The following CCDC14 variants were observed in gnomAD, a reference collection of about 807,000 sequenced individuals.
CCDC14 encodes coiled-coil domain containing 14.
CCDC14 carries 71 observed loss-of-function variants against 81.4 expected under a neutral mutation model. The ratio of observed to expected loss-of-function variants is 0.87; its 90% CI spans 0.72 to 1.06. The LOEUF (loss-of-function observed/expected upper bound fraction) is 1.06. Among genes scored for constraint, CCDC14 ranks in the 50% least tolerant of loss-of-function variants. The pLI, the probability that CCDC14 is intolerant of heterozygous loss-of-function variation, is 0.00. For synonymous variants in CCDC14, 332 were observed against 364.8 expected (o/e 0.91, Z 1.03); for missense variants, 1,046 against 1,047.3 (o/e 1.00, Z 0.02).
Position 123,913,996 on chromosome 3 carries a change from A to G in CCDC14, c.*783T>C. 1.0e-6 allele frequency: 1 copy of G among 985,618 alleles called. No individual in the cohort carries two copies. The highest frequency in any genetic ancestry group is 1.2e-6 in the Non-Finnish European group (1 of 829,728). The allele number at this position is 985,618 out of a possible 1,614,324, so 61.1% of individuals were successfully genotyped here. ...ATTCTTCCAAAAAGGCAGAATTACA[A>G]TCAATGCCAAGATTTACAAATTCCA... On this transcript the variant is annotated 3_prime_UTR_variant, in exon 13 of 13. Transcript: ENST00000409697.
chr3:123,946,851 T>A lies in CCDC14; in HGVS notation c.1153A>T (p.Ile385Phe). Reference sequence around the variant, plus strand: ...AGCTCTCCCAACAAATATTTTATAATTCTAACTTTTTCAGCTGTCTTGTTC... The same window carrying A: ...AGCTCTCCCAACAAATATTTTATAAATCTAACTTTTTCAGCTGTCTTGTTC... ...NVNKTAEKVR[I>F]IKYLLGELKA... is the part of the protein sequence containing the mutation. Residue 385 changes from isoleucine (I) to phenylalanine (F), a missense_variant, in exon 8 of 13, where the codon ATT (isoleucine) becomes TTT (phenylalanine). Coordinates refer to ENST00000409697, the MANE Select transcript of CCDC14 (RefSeq NM_001366335.1). 6.2e-7 allele frequency: 1 copy of A among 1,613,984 alleles called. No homozygotes were observed. The highest frequency in any genetic ancestry group is 1.3e-5 in the African/African-American group (1 of 75,060).
rs754727237 is a variant in CCDC14, at chr3:123,948,797, A to G, written c.590-12T>C. On this transcript the variant is annotated splice_polypyrimidine_tract_variant and intron_variant, in intron 6 of 12. Transcript: ENST00000409697. ...AGTTGCCTGAGATTCTGTAAGTAAG[A>G]GGGAGAAAAAATTAATCACATATCC... The G allele has an allele frequency of 3.8e-6, 6 of 1,588,958 alleles. No homozygotes were observed. The Admixed American group carries it at 1.1e-4, about 30-fold the overall frequency.
At chr3:123,941,156 A>G (rs114834622) in intron 9 of CCDC14, among the ~76,000 whole-genome samples, 12 of 152,138 alleles carry the variant, frequency 7.9e-5, no homozygotes, top group Admixed American at 1.3e-4. Context: ...CCAAACTCCC[A>G]TCCAGGAAAT....
In CCDC14 at chr3:123,947,267, G is replaced by A; in HGVS notation, c.737C>T (p.Ser246Phe). Residue 246 changes from serine (S) to phenylalanine (F), a missense_variant, in exon 8 of 13, where the codon TCT becomes TTT. Transcript: ENST00000409697. Reference protein sequence around the residue: ...SQFASQGKTVSATCTDVLRNS... With the variant: ...SQFASQGKTVFATCTDVLRNS... ...CCGTAGAACATCAGTACAGGTTGCA[G>A]AAACTGTTTTACCTTGTGATGCAAA... 1 of 1,613,726 alleles carries A rather than the reference G, an allele frequency of 6.2e-7. No homozygotes were observed. Among genetic ancestry groups the A allele is most frequent in the South Asian group, 1.1e-5 (1 of 91,048 alleles).
intron 2 of CCDC14, 48 bp from the exon 3 acceptor site, chr3:123,956,475 A>G (rs760542652): frequency 2.3e-6 from 3 of 1,326,042 alleles, no homozygotes; most frequent in Non-Finnish European, 2.1e-6. Context: ...TTCCCAAAAT[A>G]TATTAGTAAG....
chr3:123,907,953 G>C (rs1396507800), intron 5 of CCDC14, among the ~76,000 whole-genome samples: 1 of 151,712 alleles, frequency 6.6e-6, no homozygotes, highest in African/African-American at 2.4e-5. Flanking sequence ...TGCAAAAGGG[G>C]GAAAAGGGGC....
At chr3:123,906,498 AAGT>A (rs2034315038) in intron 5 of CCDC14, among the ~76,000 whole-genome samples, 1 of 151,984 alleles carries the variant, frequency 6.6e-6, no homozygotes, top group Admixed American at 6.6e-5. Flanking sequence ...GAGAAAAAGA[AAGT>A]AGTAGGAGGA....
In CCDC14 at chr3:123,914,920, G is replaced by C; in HGVS notation, c.2577C>G (p.Asp859Glu). The C allele has an allele frequency of 6.2e-7, 1 of 1,614,052 alleles. No individual in the cohort carries two copies. Among genetic ancestry groups the C allele is most frequent in the East Asian group, 2.2e-5 (1 of 44,880 alleles). The stretch of plus-strand genomic sequence containing the variant: ...AAGAGATGCTCCAGTCAGACATCAA[G>C]TCAGAAGTGAAAACACTACCATCAC... ...TVCDGSVFTS[D>E]LMSDWSISSF... The change falls in exon 13 of 13, where the codon GAC becomes GAG. Residue 859 changes from aspartate (D) to glutamate (E), a missense_variant. Transcript: ENST00000409697.
downstream of CCDC14, among the ~76,000 whole-genome samples, chr3:123,894,623 C>G (rs551016223): frequency 1.3e-5 from 2 of 152,056 alleles, no homozygotes; most frequent in Admixed American, 6.6e-5. Context: ...TCTTTAATTT[C>G]TTTTTAGCAA....
At position 123,929,739 on chromosome 3, in the gene CCDC14, A is replaced by G. The variant is rs142144746; in HGVS notation, c.1778+1363T>C. 4.6e-3 allele frequency among the ~76,000 whole-genome samples: 695 copies of G among 152,334 alleles called. 15 individuals are homozygous for G. Among genetic ancestry groups the G allele is most frequent in the Admixed American group, 0.038 (577 of 15,296 alleles). Reference sequence around the variant, plus strand: ...TCACTCCTAAATGAAACTACCCATTAGCAGTCATTTCCCATTCTACACCCC... The same window carrying G: ...TCACTCCTAAATGAAACTACCCATTGGCAGTCATTTCCCATTCTACACCCC... On this transcript the variant is annotated intron_variant, in intron 12 of 12. Transcript: ENST00000409697.
chr3:123,960,720 T>C (rs904940388), intron 1 of CCDC14, among the ~76,000 whole-genome samples: 2 of 152,198 alleles, frequency 1.3e-5, no homozygotes, highest in African/African-American at 2.4e-5. Flanking sequence ...TTTTACCGGG[T>C]TCTCTTATTT....
chr3:123,896,750 ATTTG>A (rs1337194645), downstream of CCDC14, among the ~76,000 whole-genome samples: 5 of 152,168 alleles, frequency 3.3e-5, no homozygotes, highest in Non-Finnish European at 7.4e-5. Flanking sequence ...TGATTTGTAG[ATTTG>A]TTCCCATAAG....
rs61094944 is a variant in CCDC14, at chr3:123,934,270, C to CAAAAAAAAAAAAAAA, written c.1344-530_1344-516dup. Among the ~76,000 whole-genome samples the CAAAAAAAAAAAAAAA allele has an allele frequency of 2.9e-4, 15 of 52,288 alleles. 2 individuals carry two copies. The highest frequency in any genetic ancestry group is 1.3e-3 in the African/African-American group (15 of 11,844). 34.3% of individuals were successfully genotyped at this position (52,288 alleles called of 152,430 possible). ...CTGGCGAAAGAGTGAGACTCTGCCT[C>CAAAAAAAAAAAAAAA]AAAAAAAAAAAAAAAAAAAAAAAAA... is the stretch of plus-strand genomic sequence containing the variant. On this transcript the variant is annotated intron_variant, in intron 9 of 12. Transcript: ENST00000409697.
chr3:123,930,229 T>C (rs995264603), intron 12 of CCDC14, among the ~76,000 whole-genome samples: 1 of 152,226 alleles, frequency 6.6e-6, no homozygotes, highest in Non-Finnish European at 1.5e-5. Flanking sequence ...TTAAATGTTA[T>C]ATATTACTGT....
chr3:123,920,003 A>C (rs1027583772), intron 12 of CCDC14, among the ~76,000 whole-genome samples: 1 of 152,210 alleles, frequency 6.6e-6, no homozygotes, highest in Non-Finnish European at 1.5e-5. Context: ...ATAGATAAAA[A>C]ATTAAATGAA....
intron 9 of CCDC14, among the ~76,000 whole-genome samples, chr3:123,941,044 TGTGGCTACATAATG>T (rs141727440): frequency 0.016 from 2,442 of 152,186 alleles, 20 homozygotes; most frequent in Non-Finnish European, 0.025. Context: ...TTATGTTCTG[TGTGGCTACATAATG>T]GTCTCATAGT....
At chr3:123,921,658 C>T (rs2035050878) in intron 12 of CCDC14, among the ~76,000 whole-genome samples, 1 of 152,082 alleles carries the variant, frequency 6.6e-6, no homozygotes, top group African/African-American at 2.4e-5. Flanking sequence ...CAGGGGTGTC[C>T]AAGCTTTTGG....
At position 123,951,850 on chromosome 3, in the gene CCDC14, T is replaced by C. The variant is rs1162883741; in HGVS notation, c.353-2718A>G. On this transcript the variant is annotated intron_variant, in intron 5 of 12. Transcript: ENST00000409697. ...TCAAAGCCTTAGAACTAAAATGACATATTCTGCTCCTTTATAAACTCAGTC... is the reference window on the plus strand; with the variant it reads ...TCAAAGCCTTAGAACTAAAATGACACATTCTGCTCCTTTATAAACTCAGTC... Among the ~76,000 whole-genome samples, 3 of 152,344 alleles carry C rather than the reference T, an allele frequency of 2.0e-5. No homozygotes were observed. In the East Asian group the frequency reaches 5.8e-4, roughly 29 times the overall value.
rs963039636 is a variant in CCDC14 at position 123,914,017 on chromosome 3, T to C, written c.*762A>G. The C allele has an allele frequency of 1.0e-6, 1 of 985,356 alleles. No homozygotes were observed. Among genetic ancestry groups the C allele is most frequent in the African/African-American group, 1.7e-5 (1 of 57,310 alleles). The allele number at this position is 985,356 out of a possible 1,614,324, so 61.0% of individuals were successfully genotyped here. ...TACAATCAATGCCAAGATTTACAAA[T>C]TCCATCATGTTTAAATATAAGGACA... On this transcript the variant is annotated 3_prime_UTR_variant, in exon 13 of 13. Coordinates refer to ENST00000409697, the MANE Select transcript of CCDC14 (RefSeq NM_001366335.1).
Sources: allele counts gnomAD v4.1 joint callset (sites outside exome capture counted in the v4.1 genomes callset), GRCh38; gene constraint gnomAD v4.1.1; transcripts MANE v1.5; gene names NCBI Gene and HGNC (gene_info 2026-07-23, HGNC 2026-07-21).